Variants in FAM161A observed in about 807,000 individuals in gnomAD.
The protein encoded by FAM161A is FAM161 centrosomal protein A, also known as protein FAM161A.
FAM161A carries 57 observed loss-of-function variants against 70.9 expected under a neutral mutation model. That is an observed-to-expected ratio of 0.80 (90% CI 0.65 to 1.00). The LOEUF (loss-of-function observed/expected upper bound fraction) is 1.00. FAM161A is among the 50% of genes least tolerant of loss of function. The pLI is 0.00. For synonymous variants in FAM161A, 299 were observed against 295.7 expected, an observed-to-expected ratio of 1.01 and a Z score of -0.12; for missense variants, 880 against 836.0, an observed-to-expected ratio of 1.05 and a Z score of -0.65.
In FAM161A at chr2:61,825,626, AT is replaced by A; in HGVS notation, c.*828del. Reference sequence around the variant, plus strand: ...AATAAATGTAAATTTGCAAGTATCCATTTTTTTCTATACTTTTTTTTTTTTT... The same window carrying A: ...AATAAATGTAAATTTGCAAGTATCCATTTTTTCTATACTTTTTTTTTTTTT... On this transcript the variant is annotated 3_prime_UTR_variant, in exon 7 of 7. Coordinates refer to ENST00000404929, the MANE Select transcript of FAM161A (RefSeq NM_001201543.2). 4.6e-6 allele frequency: 2 copies of A among 435,042 alleles called. No individual in the cohort carries two copies. Among genetic ancestry groups the A allele is most frequent in the Admixed American group, 2.6e-5 (1 of 37,880 alleles). 26.9% of individuals were successfully genotyped at this position (435,042 alleles called of 1,614,324 possible).
the FAM161A span, among the ~76,000 whole-genome samples, chr2:61,819,742 C>A: frequency 6.6e-6 from 1 of 151,994 alleles, no homozygotes; most frequent in African/African-American, 2.4e-5. Flanking sequence ...AGGAACATAA[C>A]TTTTAGGGTT....
the FAM161A span, among the ~76,000 whole-genome samples, chr2:61,810,036 G>T: frequency 6.6e-6 from 1 of 152,188 alleles, no homozygotes; most frequent in Non-Finnish European, 1.5e-5. Flanking sequence ...TAGCCACTGA[G>T]TAAGCCCAGG....
intron 5 of FAM161A, among the ~76,000 whole-genome samples, chr2:61,831,713 T>C (rs1183972220): frequency 6.6e-6 from 1 of 152,088 alleles, no homozygotes; most frequent in Non-Finnish European, 1.5e-5. Context: ...ACAGGAGCAG[T>C]GTAAAGGTCA....
intron 1 of FAM161A, among the ~76,000 whole-genome samples, chr2:61,853,279 A>G (rs1673560980): frequency 6.6e-6 from 1 of 152,190 alleles, no homozygotes. Context: ...ACTGGTGTCC[A>G]CAACAGATTT....
intron 1 of FAM161A, among the ~76,000 whole-genome samples, chr2:61,851,035 C>T (rs761262883): frequency 9.9e-5 from 15 of 152,116 alleles, no homozygotes; most frequent in South Asian, 8.3e-4. Flanking sequence ...CCACCACGCC[C>T]GGCTAATTTT....
the FAM161A span, chr2:61,803,397 G>A: frequency 4.3e-6 from 3 of 695,800 alleles, no homozygotes; most frequent in Non-Finnish European, 8.1e-6. Context: ...AGCAACAAAA[G>A]GAATGCAAGA....
chr2:61,814,055 G>A, the FAM161A span, among the ~76,000 whole-genome samples: 34,900 of 152,030 alleles, frequency 0.23, 4,378 homozygotes, highest in East Asian at 0.48. Flanking sequence ...CATCCTGGAG[G>A]CAGCAATGGG....
chr2:61,819,333 G>A, the FAM161A span, among the ~76,000 whole-genome samples: 4 of 152,042 alleles, frequency 2.6e-5, no homozygotes, highest in South Asian at 2.1e-4. Flanking sequence ...TGGTGGTGGC[G>A]CATGCCTGTA....
downstream of FAM161A, among the ~76,000 whole-genome samples, chr2:61,823,327 C>T (rs1558470644): frequency 8.2e-5 from 2 of 24,298 alleles, no homozygotes; most frequent in South Asian, 3.7e-3. Flanking sequence ...AGTGAGATTC[C>T]ATCTCAAAAA....
chr2:61,838,554 T>G lies in FAM161A; in HGVS notation c.1735A>C (p.Arg579=), dbSNP rs200052745. The change falls in exon 4 of 7, where the codon AGA becomes CGA. Residue 579 remains arginine, a synonymous_variant. Coordinates refer to ENST00000404929, the MANE Select transcript of FAM161A (RefSeq NM_001201543.2). ...TCATGATACCTGAGACATTTTACTC[T>G]GGATTTAGATATTTGAGCTAAACTT... ...HQSLAQISKS[R]VKCLRKSEKE... 2.6e-5 allele frequency: 41 copies of G among 1,605,230 alleles called. No homozygotes were observed. Among genetic ancestry groups the G allele is most frequent in the Non-Finnish European group, 2.9e-5 (34 of 1,175,254 alleles).
the FAM161A span, among the ~76,000 whole-genome samples, chr2:61,806,945 G>T: frequency 2.0e-5 from 3 of 152,000 alleles, no homozygotes; most frequent in African/African-American, 7.2e-5. Flanking sequence ...ACCTGCCTCA[G>T]CCTCCCAAAG....
intron 1 of FAM161A, among the ~76,000 whole-genome samples, chr2:61,852,751 C>CA (rs973537693): frequency 1.2e-4 from 18 of 152,188 alleles, no homozygotes; most frequent in African/African-American, 3.6e-4. Flanking sequence ...AGATTGGTCA[C>CA]AAAAGGTGTT....
chr2:61,834,433 C>A (rs929625349), intron 5 of FAM161A, among the ~76,000 whole-genome samples: 1 of 151,336 alleles, frequency 6.6e-6, no homozygotes, highest in East Asian at 1.9e-4. Flanking sequence ...TGAGTTCAAT[C>A]ATACCCCAAA....
chr2:61,838,840 C>T, intron 3 of FAM161A, 135 bp from the exon 4 acceptor site: 1 of 376,426 alleles, frequency 2.7e-6, no homozygotes, highest in Non-Finnish European at 4.6e-6. Context: ...AGGATCTGAC[C>T]TGTAAAACTA....
At chr2:61,841,256 C>G (rs554393221) in intron 2 of FAM161A, among the ~76,000 whole-genome samples, 6 of 152,134 alleles carry the variant, frequency 3.9e-5, no homozygotes, top group Non-Finnish European at 8.8e-5. Context: ...ACAAGCCCTT[C>G]GAGACTGGCG....
the FAM161A span, among the ~76,000 whole-genome samples, chr2:61,802,825 T>C: frequency 6.6e-6 from 1 of 152,162 alleles, no homozygotes; most frequent in African/African-American, 2.4e-5. Context: ...GGGACTCCTC[T>C]TAGGGGCCTG....
intron 5 of FAM161A, among the ~76,000 whole-genome samples, chr2:61,828,210 A>AT: frequency 6.6e-6 from 1 of 152,136 alleles, no homozygotes; most frequent in Admixed American, 6.5e-5. Flanking sequence ...TGGTGGCCAC[A>AT]TTAGATTGAT....
intron 3 of FAM161A, among the ~76,000 whole-genome samples, 156 bp downstream of exon 3, chr2:61,839,265 C>T (rs1269468733): frequency 7.1e-6 from 1 of 141,306 alleles, no homozygotes; most frequent in African/African-American, 2.6e-5. Flanking sequence ...TCTTAGAATA[C>T]CCTCTGACAA....
Position 61,839,988 on chromosome 2 carries a change from T to C in FAM161A, c.1016A>G (p.Glu339Gly). 1.9e-6 allele frequency: 3 copies of C among 1,614,250 alleles called. No individual in the cohort carries two copies. The highest frequency in any genetic ancestry group is 2.5e-6 in the Non-Finnish European group (3 of 1,180,048). ...AREEQKRAAR[E>G]KQLRDFLKYK... ...CTTAAGAAAGTCTCTCAGCTGCTTT[T>C]CCCGGGCTGCTCGCTTCTGTTCCTC... Residue 339 changes from glutamate to glycine, a missense_variant, in exon 3 of 7, where the codon GAA (glutamate) becomes GGA (glycine). Glu to Gly is a moderately conservative substitution (Grantham distance 98). Coordinates refer to ENST00000404929, the MANE Select transcript of FAM161A (RefSeq NM_001201543.2).
Sources: allele counts gnomAD v4.1 joint callset (sites outside exome capture counted in the v4.1 genomes callset), GRCh38; gene constraint gnomAD v4.1.1; transcripts MANE v1.5; gene names NCBI Gene and HGNC (gene_info 2026-07-23, HGNC 2026-07-21).